GLRB: variants seen among roughly 807,000 people sequenced by gnomAD.
GLRB encodes the protein glycine receptor beta.
Under a neutral mutation model 54.2 loss-of-function variants are expected in GLRB, and 33 were observed. The observed-to-expected ratio is 0.61, with a 90% confidence interval of 0.46 to 0.81. GLRB has a LOEUF of 0.81. GLRB is among the 40% of genes least tolerant of loss of function. The pLI is 0.00. For synonymous variants in GLRB, 209 were observed against 208.2 expected, an observed-to-expected ratio of 1.00 and a Z score of -0.03; for missense variants, 572 against 584.6, an observed-to-expected ratio of 0.98 and a Z score of 0.22.
intron 4 of GLRB, among the ~76,000 whole-genome samples, chr4:157,130,816 G>A (rs1276639836): frequency 6.6e-6 from 1 of 151,544 alleles, no homozygotes; most frequent in African/African-American, 2.4e-5. Context: ...GCCCTTTGAG[G>A]AAAATATATA....
At chr4:157,169,417 T>C (rs181483127) in intron 9 of GLRB, among the ~76,000 whole-genome samples, 2 of 152,254 alleles carry the variant, frequency 1.3e-5, no homozygotes, top group African/African-American at 4.8e-5. Context: ...TTTTGATTAC[T>C]AGAGAGAGTT....
At chr4:157,121,985 G>T (rs2126533857) in intron 3 of GLRB, among the ~76,000 whole-genome samples, 1 of 150,014 alleles carries the variant, frequency 6.7e-6, no homozygotes, top group African/African-American at 2.4e-5. Flanking sequence ...GATTCTTTAA[G>T]AATAATTTGT....
At position 157,078,045 on chromosome 4, in the gene GLRB, T is replaced by G. The variant is rs1734100834; in HGVS notation, c.21T>G (p.Thr7=). 6 of 1,611,158 alleles carry G rather than the reference T, an allele frequency of 3.7e-6. No homozygotes were observed. In the East Asian group the frequency reaches 1.1e-4, roughly 30 times the overall value. The change falls in exon 2 of 10, where the codon ACT becomes ACG. Residue 7 remains threonine (T), a synonymous_variant. Coordinates refer to ENST00000264428, the MANE Select transcript of GLRB (RefSeq NM_000824.5). MKFLLT[T]AFLILISLWV... is the part of the protein sequence containing the mutation. ...TCAAGATGAAGTTTTTATTGACAAC[T>G]GCCTTTTTAATTTTAATTTCCTTGT... is the stretch of plus-strand genomic sequence containing the variant.
At chr4:157,160,155 T>C (rs912956010) in intron 9 of GLRB, among the ~76,000 whole-genome samples, 2 of 152,222 alleles carry the variant, frequency 1.3e-5, no homozygotes, top group African/African-American at 4.8e-5. Context: ...TGGTAGTTTG[T>C]ATTTCTGCGG....
intron 2 of GLRB, among the ~76,000 whole-genome samples, chr4:157,101,947 T>C (rs1735047203): frequency 6.6e-6 from 1 of 152,200 alleles, no homozygotes. Flanking sequence ...CTTTTTATCG[T>C]GTCATGTGCC....
intron 9 of GLRB, among the ~76,000 whole-genome samples, chr4:157,166,380 T>C (rs1370391500): frequency 6.6e-6 from 1 of 152,076 alleles, no homozygotes; most frequent in African/African-American, 2.4e-5. Context: ...TATAACTGTT[T>C]AAAATAGTAT....
intron 1 of GLRB, chr4:157,076,595 T>C (rs1734040275): frequency 6.6e-6 from 1 of 152,236 alleles, no homozygotes; most frequent in South Asian, 2.1e-4. Flanking sequence ...GGAGGGCTCC[T>C]TGCGTTGTTT....
intron 2 of GLRB, among the ~76,000 whole-genome samples, chr4:157,105,854 G>T (rs1735204211): frequency 6.6e-6 from 1 of 151,832 alleles, no homozygotes; most frequent in Admixed American, 6.6e-5. Flanking sequence ...GTTAACATTT[G>T]TATCTTTTTT....
intron 2 of GLRB, among the ~76,000 whole-genome samples, chr4:157,093,947 TATA>T (rs1560937691): frequency 7.2e-5 from 11 of 152,120 alleles, no homozygotes; most frequent in Admixed American, 6.5e-5. Context: ...GATCAAAGAT[TATA>T]ATATCATATT....
intron 4 of GLRB, 88 bp downstream of exon 4, chr4:157,122,485 A>G (rs1735862900): frequency 5.4e-6 from 3 of 554,022 alleles, no homozygotes; most frequent in African/African-American, 3.9e-5. Context: ...ATAAGGAGCA[A>G]CTCAAATAAT....
rs138300557 is a variant in GLRB at position 157,138,874 on chromosome 4, A to T, written c.676A>T (p.Ile226Phe). 6.5e-7 allele frequency: 1 copy of T among 1,545,376 alleles called. No individual in the cohort carries two copies. Among genetic ancestry groups the T allele is most frequent in the Non-Finnish European group, 8.9e-7 (1 of 1,118,116 alleles). Residue 226 changes from isoleucine (I) to phenylalanine (F), a missense_variant, in exon 7 of 10, where the codon ATT (isoleucine) becomes TTT (phenylalanine). By Grantham distance (21) the Ile-to-Phe change is conservative. Coordinates refer to ENST00000264428, the MANE Select transcript of GLRB (RefSeq NM_000824.5). ...QSGDPVQLEK[I>F]ALPQFDIKKE... ...AGGAGATCCTGTGCAATTAGAAAAA[A>T]TTGCCTTGCCTCAATTTGATATCAA...
intron 2 of GLRB, among the ~76,000 whole-genome samples, chr4:157,082,435 T>C (rs1245342817): frequency 6.6e-6 from 1 of 152,188 alleles, no homozygotes; most frequent in Non-Finnish European, 1.5e-5. Context: ...ACATAGCTCC[T>C]GGCACAAAAT....
chr4:157,144,107 T>A, intron 8 of GLRB, 148 bp downstream of exon 8: 1 of 774,374 alleles, frequency 1.3e-6, no homozygotes, highest in African/African-American at 1.7e-5. Flanking sequence ...AACTTGATAT[T>A]GAACTAGATT....
Position 157,143,872 on chromosome 4 carries a change from G to A in GLRB, c.817G>A (p.Val273Ile), listed in dbSNP as rs1736706361. ...GCAGGTCGGCTTTTACATGATGGGG[G>A]TCTACGCCCCAACTCTGCTCATTGT... ...RRQVGFYMMG[V>I]YAPTLLIVVL... The change falls in exon 8 of 10, where the codon GTC becomes ATC. Residue 273 changes from valine (V) to isoleucine (I), a missense_variant. Val to Ile is a conservative substitution (Grantham distance 29, BLOSUM62 3). Transcript: ENST00000264428. 1.9e-6 allele frequency: 3 copies of A among 1,613,538 alleles called. No individual in the cohort carries two copies. The highest frequency in any genetic ancestry group is 1.3e-5 in the African/African-American group (1 of 74,878).
intron 9 of GLRB, among the ~76,000 whole-genome samples, chr4:157,161,010 G>A (rs542727836): frequency 6.6e-6 from 1 of 152,214 alleles, no homozygotes; most frequent in Non-Finnish European, 1.5e-5. Context: ...ATGAATCTGG[G>A]TGCTCCTGTA....
chr4:157,081,306 A>G (rs986336113), intron 2 of GLRB, among the ~76,000 whole-genome samples: 1 of 152,126 alleles, frequency 6.6e-6, no homozygotes, highest in Admixed American at 6.6e-5. Context: ...GTAGAAATCC[A>G]TGGTTGTAGT....
chr4:157,130,661 G>C (rs1736181317), intron 4 of GLRB, among the ~76,000 whole-genome samples: 1 of 151,552 alleles, frequency 6.6e-6, no homozygotes, highest in South Asian at 2.1e-4. Context: ...TAATGGACAT[G>C]GGTTATTTTC....
At chr4:157,138,588 T>A (rs990022164) in intron 6 of GLRB, among the ~76,000 whole-genome samples, 11 of 152,326 alleles carry the variant, frequency 7.2e-5, no homozygotes, top group Middle Eastern at 3.4e-3. Context: ...GTATGCTTAT[T>A]ATTTAAACTT....
chr4:157,109,946 CTT>C (rs1735357253), intron 2 of GLRB, among the ~76,000 whole-genome samples: 1 of 151,974 alleles, frequency 6.6e-6, no homozygotes, highest in African/African-American at 2.4e-5. Flanking sequence ...ATGTCTCCAG[CTT>C]TCTGGAAGCT....
Sources: allele counts gnomAD v4.1 joint callset (sites outside exome capture counted in the v4.1 genomes callset), GRCh38; gene constraint gnomAD v4.1.1; transcripts MANE v1.5; gene names NCBI Gene and HGNC (gene_info 2026-07-23, HGNC 2026-07-21).